UBAC2: variants seen among roughly 807,000 people sequenced by gnomAD.
The protein encoded by UBAC2 is ubiquitin-associated domain-containing protein 2.
Under a neutral mutation model 44.0 loss-of-function variants are expected in UBAC2, and 26 were observed. That is an observed-to-expected ratio of 0.59 (90% CI 0.43 to 0.82). UBAC2 has a LOEUF of 0.82. UBAC2 is among the 40% of genes least tolerant of loss of function. The probability of loss-of-function intolerance (pLI) is 0.00; values close to 1 mark genes in which losing one functional copy is unlikely to be tolerated. For synonymous variants in UBAC2, 155 were observed against 154.3 expected (o/e 1.00, Z -0.04); for missense variants, 329 against 419.4 (o/e 0.78, Z 1.88).
chr13:99,351,610 C>T (rs1336589080), intron 7 of UBAC2: 2 of 456,654 alleles, frequency 4.4e-6, no homozygotes, highest in Non-Finnish European at 4.4e-6. Flanking sequence ...CCAATCCTCT[C>T]TCTGTTGGCT....
At chr13:99,369,469 A>G (rs1035975348) in intron 8 of UBAC2, among the ~76,000 whole-genome samples, 1 of 152,214 alleles carries the variant, frequency 6.6e-6, no homozygotes, top group African/African-American at 2.4e-5. Context: ...GAGATAGTCA[A>G]TACTCTAGAT....
intron 1 of UBAC2, among the ~76,000 whole-genome samples, chr13:99,224,683 A>G (rs981022523): frequency 1.2e-4 from 19 of 152,354 alleles, no homozygotes; most frequent in African/African-American, 4.1e-4. Context: ...ACATTTTACT[A>G]TGTTGGCTTT....
chr13:99,267,427 T>C (rs1035057499), intron 4 of UBAC2, among the ~76,000 whole-genome samples: 4 of 152,208 alleles, frequency 2.6e-5, no homozygotes, highest in Non-Finnish European at 5.9e-5. Flanking sequence ...TTTAGATTTC[T>C]AAATGGTGAG....
At chr13:99,336,535 C>T (rs991881500) in intron 6 of UBAC2, among the ~76,000 whole-genome samples, 1 of 152,110 alleles carries the variant, frequency 6.6e-6, no homozygotes, top group Admixed American at 6.5e-5. Context: ...CTGTCTCTTC[C>T]TTGTGTATAG....
At chr13:99,306,308 T>G (rs927394285) in intron 4 of UBAC2, among the ~76,000 whole-genome samples, 1 of 152,150 alleles carries the variant, frequency 6.6e-6, no homozygotes, top group Admixed American at 6.5e-5. Flanking sequence ...TTTTTAGCAC[T>G]TATAATGAGA....
chr13:99,239,496 G>A (rs1031291342), intron 2 of UBAC2, among the ~76,000 whole-genome samples: 1 of 152,178 alleles, frequency 6.6e-6, no homozygotes, highest in Admixed American at 6.5e-5. Flanking sequence ...TGGTGGTGGC[G>A]CCTGGGCATT....
intron 7 of UBAC2, chr13:99,351,557 T>C (rs766914839): frequency 2.2e-6 from 1 of 456,758 alleles, no homozygotes; most frequent in South Asian, 1.5e-5. Context: ...TACCTGGAAA[T>C]GTGAATTCTC....
intron 4 of UBAC2, among the ~76,000 whole-genome samples, chr13:99,298,646 A>G (rs2044212510): frequency 1.3e-5 from 2 of 152,224 alleles, no homozygotes; most frequent in African/African-American, 4.8e-5. Context: ...AAATTAATGA[A>G]ATATAAAAGA....
chr13:99,243,429 G>T (rs2043344417), intron 2 of UBAC2, among the ~76,000 whole-genome samples: 1 of 152,006 alleles, frequency 6.6e-6, no homozygotes, highest in Non-Finnish European at 1.5e-5. Flanking sequence ...ATATTTTTGA[G>T]TTTATACCTA....
chr13:99,206,306 A>G (rs970569790), intron 1 of UBAC2, among the ~76,000 whole-genome samples: 5 of 152,342 alleles, frequency 3.3e-5, no homozygotes, highest in South Asian at 2.1e-4. Flanking sequence ...AGCTGAGGAC[A>G]GACCTTCAGC....
rs149857139 is a variant in UBAC2 at position 99,295,304 on chromosome 13, C to T, written c.390-18793C>T. ...AGAAATCTGGAACGAATGTCTTTGG[C>T]TACATTCCAGGAAATTAGAGAAACG... On this transcript the variant is annotated intron_variant, in intron 4 of 8. Transcript: ENST00000403766. The surrounding 1 kb of genome is among the most constrained non-coding windows in gnomAD (Gnocchi z 4.1). 2.5e-6 allele frequency: 4 copies of T among 1,613,984 alleles called. No individual in the cohort carries two copies. The African/African-American group carries it at 5.3e-5, about 22-fold the overall frequency.
chr13:99,373,536 G>A (rs1009000667), intron 8 of UBAC2, among the ~76,000 whole-genome samples: 2 of 152,214 alleles, frequency 1.3e-5, no homozygotes, highest in Admixed American at 6.5e-5. Flanking sequence ...GGATAAGGCG[G>A]AATGTCCTGC....
intron 1 of UBAC2, among the ~76,000 whole-genome samples, chr13:99,226,520 T>G (rs1257405209): frequency 6.6e-6 from 1 of 152,166 alleles, no homozygotes; most frequent in Non-Finnish European, 1.5e-5. Flanking sequence ...TGTAATTTCT[T>G]CTCAATTTAG....
intron 4 of UBAC2, among the ~76,000 whole-genome samples, chr13:99,263,081 G>A (rs12585224): frequency 2.0e-5 from 3 of 152,282 alleles, no homozygotes; most frequent in African/African-American, 4.8e-5. Flanking sequence ...ATGACTCTCA[G>A]ATTGTATGTT....
intron 4 of UBAC2, among the ~76,000 whole-genome samples, chr13:99,307,605 T>C (rs561044126): frequency 1.3e-5 from 2 of 152,116 alleles, no homozygotes; most frequent in Non-Finnish European, 2.9e-5. Context: ...AAAAGCCCCT[T>C]GGAATTTATG....
intron 6 of UBAC2, among the ~76,000 whole-genome samples, chr13:99,332,145 T>C (rs2044724207): frequency 6.6e-6 from 1 of 152,062 alleles, no homozygotes. Context: ...TTGGCACAGC[T>C]TGCCTTGTGG....
At chr13:99,208,667 C>T (rs754549354) in intron 1 of UBAC2, among the ~76,000 whole-genome samples, 1 of 152,204 alleles carries the variant, frequency 6.6e-6, no homozygotes, top group African/African-American at 2.4e-5. Flanking sequence ...GCTTCTGGTG[C>T]GTTCGGCTCC....
intron 1 of UBAC2, chr13:99,201,249 C>T (rs1160123237): frequency 5.6e-6 from 8 of 1,433,588 alleles, no homozygotes; most frequent in Non-Finnish European, 7.3e-6. Flanking sequence ...TTCTCGTGGG[C>T]CGGCCCCAGG....
intron 6 of UBAC2, among the ~76,000 whole-genome samples, chr13:99,338,336 G>A (rs1031397584): frequency 6.6e-6 from 1 of 152,078 alleles, no homozygotes; most frequent in Non-Finnish European, 1.5e-5. Flanking sequence ...GGGATGACAG[G>A]TGTGAGCCAC....
Sources: allele counts gnomAD v4.1 joint callset (sites outside exome capture counted in the v4.1 genomes callset), GRCh38; gene constraint gnomAD v4.1.1; non-coding constraint Gnocchi (gnomAD v3.1); transcripts MANE v1.5; gene names NCBI Gene and HGNC (gene_info 2026-07-23, HGNC 2026-07-21).